Variants in USH2A observed in about 807,000 individuals in gnomAD.
USH2A encodes Usher syndrome 2A (autosomal recessive, mild).
A neutral mutation model predicts 538.9 loss-of-function variants in USH2A; 443 were observed. The observed-to-expected ratio is 0.82, with a 90% CI of 0.76 to 0.89. USH2A has a LOEUF of 0.89. USH2A is among the 40% of genes least tolerant of loss of function. USH2A has a pLI of 0.00. For synonymous variants in USH2A, 2,413 were observed against 2,273.5 expected, an observed-to-expected ratio of 1.06 and a Z score of -1.75; for missense variants, 6,633 against 6,324.8, an observed-to-expected ratio of 1.05 and a Z score of -1.65.
intron 6 of USH2A, among the ~76,000 whole-genome samples, chr1:216,324,998 A>G (rs1416023644): frequency 6.6e-6 from 1 of 152,096 alleles, no homozygotes; most frequent in Admixed American, 6.6e-5. Flanking sequence ...TATATAAGAG[A>G]AAGAAAAGGG....
Position 216,077,644 on chromosome 1 carries a change from C to T in USH2A, c.5572+445G>A, listed in dbSNP as rs527527678. ...TAATTATGTATCTCACATATAATTG[C>T]ATTACATATTTAAATAAATATATAA... is the stretch of plus-strand genomic sequence containing the variant. On this transcript the variant is annotated intron_variant, in intron 27 of 71. Coordinates refer to ENST00000307340, the MANE Select transcript of USH2A (RefSeq NM_206933.4). 2.4e-4 allele frequency among the ~76,000 whole-genome samples: 35 copies of T among 145,434 alleles called. No individual in the cohort carries two copies. In the South Asian group the frequency reaches 3.9e-3, roughly 16 times the overall value.
chr1:216,104,641 C>T (rs1249467828), intron 21 of USH2A, among the ~76,000 whole-genome samples: 1 of 152,096 alleles, frequency 6.6e-6, no homozygotes, highest in Non-Finnish European at 1.5e-5. Flanking sequence ...AAACTGGATC[C>T]CTTCCTTACA....
chr1:216,351,263 C>A (rs1033943546), intron 4 of USH2A, among the ~76,000 whole-genome samples: 1 of 152,038 alleles, frequency 6.6e-6, no homozygotes, highest in African/African-American at 2.4e-5. Context: ...AATAGAGCAA[C>A]ATAATGAGAC....
intron 3 of USH2A, among the ~76,000 whole-genome samples, chr1:216,392,092 G>A (rs1257041826): frequency 1.3e-5 from 2 of 152,174 alleles, no homozygotes; most frequent in African/African-American, 4.8e-5. Flanking sequence ...AACATGCTAT[G>A]TAAGTACTGT....
intron 47 of USH2A, among the ~76,000 whole-genome samples, chr1:215,833,408 T>C (rs1663380095): frequency 6.6e-6 from 1 of 151,966 alleles, no homozygotes; most frequent in Admixed American, 6.6e-5. Flanking sequence ...CGTGTTTAAA[T>C]TGATTTTTGA....
chr1:216,205,995 T>C (rs1334596878), intron 16 of USH2A, among the ~76,000 whole-genome samples: 1 of 152,204 alleles, frequency 6.6e-6, no homozygotes, highest in Admixed American at 6.5e-5. Context: ...TGATGGCTTG[T>C]TTATATCCTT....
At chr1:215,659,480 G>A (rs1281974446) in intron 64 of USH2A, among the ~76,000 whole-genome samples, 1 of 152,142 alleles carries the variant, frequency 6.6e-6, no homozygotes, top group African/African-American at 2.4e-5. Context: ...TTTGCAGTAG[G>A]AGAGTGACTT....
chr1:216,098,033 C>A (rs2032486507), intron 21 of USH2A, among the ~76,000 whole-genome samples: 1 of 149,382 alleles, frequency 6.7e-6, no homozygotes, highest in Non-Finnish European at 1.5e-5. Context: ...ATGGCCCCAT[C>A]TCCAGTCCTA....
Position 215,846,090 on chromosome 1 carries a change from A to T in USH2A, c.8846-57T>A, listed in dbSNP as rs549295519. On this transcript the variant is annotated intron_variant, in intron 44 of 71. Coordinates refer to ENST00000307340, the MANE Select transcript of USH2A (RefSeq NM_206933.4). ...GTAGCTGAGGCTTTCAGGGGAAAAAAAAAATTCTATCATTAGCTTTCTAGA... is the reference window on the plus strand; with the variant it reads ...GTAGCTGAGGCTTTCAGGGGAAAAATAAAATTCTATCATTAGCTTTCTAGA... 7.9e-5 allele frequency: 121 copies of T among 1,537,598 alleles called. No homozygotes were observed. The East Asian group carries it at 2.5e-3, about 32-fold the overall frequency.
chr1:215,634,479 G>A lies in USH2A; in HGVS notation c.15277C>T (p.Pro5093Ser), dbSNP rs758329379. 1.9e-6 allele frequency: 3 copies of A among 1,614,180 alleles called. No homozygotes were observed. The highest frequency in any genetic ancestry group is 1.1e-5 in the South Asian group (1 of 91,086). The change falls in exon 70 of 72, where the codon CCA becomes TCA. Residue 5093 changes from proline to serine, a missense_variant. By Grantham distance (74) the Pro-to-Ser change is moderately conservative. Transcript: ENST00000307340. ...CATACCATATGGTTTTCCCCCGGTG[G>A]GTAAACATTCAATGGAGACATCCTC... Reference protein sequence around the residue: ...QKRMSPLNVYPPGENHMGLAD... With the variant: ...QKRMSPLNVYSPGENHMGLAD...
At chr1:216,026,018 A>G (rs1347816914) in intron 32 of USH2A, among the ~76,000 whole-genome samples, 1 of 152,134 alleles carries the variant, frequency 6.6e-6, no homozygotes, top group Non-Finnish European at 1.5e-5. Context: ...TCATTGCAAA[A>G]TAGCCTTTTA....
chr1:215,979,708 TA>T (rs1013504171), intron 35 of USH2A, among the ~76,000 whole-genome samples: 22 of 149,450 alleles, frequency 1.5e-4, no homozygotes, highest in South Asian at 4.2e-4. Context: ...TCTTTTTAAT[TA>T]AAAAAAAAAC....
chr1:215,932,228 G>A (rs901601035), intron 38 of USH2A, among the ~76,000 whole-genome samples: 5 of 151,936 alleles, frequency 3.3e-5, no homozygotes, highest in Admixed American at 1.3e-4. Context: ...TAATGGAAAA[G>A]TAAATAGCAT....
chr1:216,285,242 C>G (rs939065099), intron 11 of USH2A, among the ~76,000 whole-genome samples: 1 of 152,226 alleles, frequency 6.6e-6, no homozygotes, highest in Non-Finnish European at 1.5e-5. Context: ...CCAGGGCCCC[C>G]CCACTGTGTG....
chr1:215,870,147 A>G (rs1440291869), intron 43 of USH2A, among the ~76,000 whole-genome samples: 2 of 152,186 alleles, frequency 1.3e-5, no homozygotes, highest in Admixed American at 6.5e-5. Flanking sequence ...CATTTCCAAT[A>G]TTACACTATT....
intron 3 of USH2A, among the ~76,000 whole-genome samples, chr1:216,372,820 C>T (rs1209509964): frequency 2.0e-5 from 3 of 152,150 alleles, no homozygotes; most frequent in African/African-American, 7.2e-5. Context: ...TTTTGGTGCA[C>T]ACTTCATCAC....
At chr1:216,267,036 T>A (rs1281550916) in intron 11 of USH2A, among the ~76,000 whole-genome samples, 1 of 151,974 alleles carries the variant, frequency 6.6e-6, no homozygotes, top group Admixed American at 6.6e-5. Context: ...TGAAGTAAAA[T>A]ATCACCAAGG....
intron 14 of USH2A, among the ~76,000 whole-genome samples, chr1:216,229,591 A>G (rs1020341681): frequency 6.6e-6 from 1 of 152,184 alleles, no homozygotes; most frequent in Non-Finnish European, 1.5e-5. Flanking sequence ...CTGGGATTAC[A>G]TGAGTTAGCC....
chr1:216,300,170 A>G (rs1410850532), intron 9 of USH2A, among the ~76,000 whole-genome samples: 2 of 152,218 alleles, frequency 1.3e-5, no homozygotes, highest in Non-Finnish European at 2.9e-5. Flanking sequence ...TTGAATTCTC[A>G]TAATTTTCAA....
Sources: allele counts gnomAD v4.1 joint callset (sites outside exome capture counted in the v4.1 genomes callset), GRCh38; gene constraint gnomAD v4.1.1; transcripts MANE v1.5; gene names NCBI Gene and HGNC (gene_info 2026-07-23, HGNC 2026-07-21).